The following COL24A1 variants were observed in gnomAD, a reference collection of about 807,000 sequenced individuals.
COL24A1 encodes the protein collagen type XXIV alpha 1 chain.
A neutral mutation model predicts 253.9 loss-of-function variants in COL24A1; 224 were observed. The observed-to-expected ratio is 0.88, with a 90% CI of 0.79 to 0.99. The LOEUF is 0.99. COL24A1 is among the 50% of genes least tolerant of loss of function. The pLI, the probability that COL24A1 is intolerant of heterozygous loss-of-function variation, is 0.00. For missense variants in COL24A1, 2,131 were observed against 2,068.5 expected, an observed-to-expected ratio of 1.03 and a Z score of -0.59; for synonymous variants, 685 against 673.7, an observed-to-expected ratio of 1.02 and a Z score of -0.26.
chr1:85,945,173 A>G (rs1475592786), intron 24 of COL24A1, among the ~76,000 whole-genome samples: 2 of 151,098 alleles, frequency 1.3e-5, no homozygotes, highest in African/African-American at 4.9e-5. Context: ...GTGTGCCACC[A>G]TGCCTGGCTA....
intron 12 of COL24A1, among the ~76,000 whole-genome samples, chr1:86,045,236 C>T (rs1214349986): frequency 2.6e-5 from 4 of 152,078 alleles, no homozygotes; most frequent in South Asian, 2.1e-4. Flanking sequence ...CTGATCTGCC[C>T]GACTCGGCCT....
At chr1:86,051,107 T>C (rs1445605068) in intron 10 of COL24A1, among the ~76,000 whole-genome samples, 2 of 152,132 alleles carry the variant, frequency 1.3e-5, no homozygotes, top group Admixed American at 1.3e-4. Context: ...ACACTGAATA[T>C]AGGCCAACCT....
At chr1:85,766,377 AAAAAAAAAAAAAAG>A (rs1410417459) in intron 53 of COL24A1, among the ~76,000 whole-genome samples, 2 of 141,630 alleles carry the variant, frequency 1.4e-5, no homozygotes, top group East Asian at 2.1e-4. Flanking sequence ...TCAAAAAAAA[AAAAAAAAAAAAAAG>A]AAAGAAAGAA....
At chr1:85,885,375 G>A (rs1180419408) in intron 32 of COL24A1, among the ~76,000 whole-genome samples, 1 of 106,098 alleles carries the variant, frequency 9.4e-6, no homozygotes, top group African/African-American at 3.5e-5. Flanking sequence ...TAATTTTTGT[G>A]TGTATATATA....
At chr1:85,867,340 A>T (rs113435964) in intron 37 of COL24A1, among the ~76,000 whole-genome samples, 1 of 152,206 alleles carries the variant, frequency 6.6e-6, no homozygotes, top group Non-Finnish European at 1.5e-5. Context: ...CTGAGCCCCA[A>T]TGTGGAAATA....
intron 28 of COL24A1, among the ~76,000 whole-genome samples, chr1:85,898,669 C>T (rs1228238581): frequency 6.6e-6 from 1 of 152,106 alleles, no homozygotes. Flanking sequence ...TACCGAGTGC[C>T]TACTATAAGC....
intron 1 of COL24A1, chr1:86,154,301 T>C (rs1454430509): frequency 6.6e-6 from 1 of 152,146 alleles, no homozygotes; most frequent in Non-Finnish European, 1.5e-5. Flanking sequence ...GAGCTGTGAG[T>C]TCTGTAATCT....
chr1:86,063,984 T>C (rs572760568), intron 7 of COL24A1, among the ~76,000 whole-genome samples: 5 of 152,068 alleles, frequency 3.3e-5, no homozygotes, highest in Non-Finnish European at 2.9e-5. Flanking sequence ...TAATCTTGCA[T>C]GTTATTTTAA....
intron 13 of COL24A1, 50 bp downstream of exon 13, chr1:86,033,820 A>G (rs997341813): frequency 6.6e-7 from 1 of 1,509,122 alleles, no homozygotes; most frequent in Admixed American, 1.8e-5. Context: ...CAGTGCTATG[A>G]AGTATGAATG....
chr1:85,865,014 C>A (rs1449125909), intron 37 of COL24A1, among the ~76,000 whole-genome samples: 2 of 152,038 alleles, frequency 1.3e-5, no homozygotes, highest in African/African-American at 2.4e-5. Context: ...AAGATTCAAG[C>A]ATAAAATATA....
At chr1:86,148,241 G>A (rs1363244478) in intron 1 of COL24A1, among the ~76,000 whole-genome samples, 1 of 152,102 alleles carries the variant, frequency 6.6e-6, no homozygotes, top group Non-Finnish European at 1.5e-5. Context: ...CTGGAGTGCA[G>A]TGGAGCGATC....
intron 2 of COL24A1, among the ~76,000 whole-genome samples, chr1:86,145,113 T>G (rs577332258): frequency 5.1e-4 from 78 of 152,256 alleles, no homozygotes; most frequent in Admixed American, 2.0e-3. Context: ...TTTATCTGTA[T>G]CTACTTGTCA....
intron 58 of COL24A1, among the ~76,000 whole-genome samples, chr1:85,735,896 TAAC>T (rs1663995063): frequency 6.7e-6 from 1 of 150,356 alleles, no homozygotes; most frequent in Non-Finnish European, 1.5e-5. Flanking sequence ...AGAAAAACAA[TAAC>T]AACAAAAAGA....
chr1:86,020,240 G>C (rs1018760511), intron 18 of COL24A1, among the ~76,000 whole-genome samples: 3 of 151,666 alleles, frequency 2.0e-5, no homozygotes, highest in African/African-American at 7.3e-5. Context: ...GGTAATTTTT[G>C]TATTTTTAGT....
At chr1:85,966,205 A>C (rs1691558171) in intron 22 of COL24A1, among the ~76,000 whole-genome samples, 1 of 152,190 alleles carries the variant, frequency 6.6e-6, no homozygotes, top group South Asian at 2.1e-4. Context: ...AGAAGACTCA[A>C]AAATGAATCT....
intron 12 of COL24A1, among the ~76,000 whole-genome samples, chr1:86,038,931 A>G (rs896868142): frequency 6.6e-6 from 1 of 152,118 alleles, no homozygotes; most frequent in Non-Finnish European, 1.5e-5. Context: ...GAACCACCCA[A>G]CTATGCCACT....
chr1:86,057,943 A>C lies in COL24A1; in HGVS notation c.1839T>G (p.Pro613=). The C allele has an allele frequency of 1.2e-6, 2 of 1,613,140 alleles. No homozygotes were observed. Among genetic ancestry groups the C allele is most frequent in the Admixed American group, 1.7e-5 (1 of 59,930 alleles). ...GLAGPEGNPG[P]KGAQGFIGSP... ...AATGCCTACTTACTTGTGCACCTTT[A>C]GGACCTGGATTACCTTCTGGTCCAG... The change falls in exon 10 of 60, where the codon CCT becomes CCG. Residue 613 remains proline (P), a synonymous_variant. Transcript: ENST00000370571.
intron 7 of COL24A1, among the ~76,000 whole-genome samples, chr1:86,068,651 G>C (rs1231428069): frequency 6.6e-6 from 1 of 152,138 alleles, no homozygotes; most frequent in Non-Finnish European, 1.5e-5. Context: ...ATGGCTAATG[G>C]AGTGTGAGCA....
chr1:86,079,628 G>T (rs72716150), intron 7 of COL24A1, among the ~76,000 whole-genome samples: 2 of 151,962 alleles, frequency 1.3e-5, no homozygotes, highest in Non-Finnish European at 2.9e-5. Flanking sequence ...AAAAATGGGC[G>T]AAAGATTTGA....
Sources: allele counts gnomAD v4.1 joint callset (sites outside exome capture counted in the v4.1 genomes callset), GRCh38; gene constraint gnomAD v4.1.1; transcripts MANE v1.5; gene names NCBI Gene and HGNC (gene_info 2026-07-23, HGNC 2026-07-21).